KCNIP4: variants seen among roughly 807,000 people sequenced by gnomAD.
The protein encoded by KCNIP4 is Kv channel-interacting protein 4.
KCNIP4 carries 12 observed loss-of-function variants against 34.0 expected under a neutral mutation model. That is an observed-to-expected ratio of 0.35 (90% confidence interval 0.23 to 0.57). The LOEUF is 0.57. KCNIP4 is among the 20% of genes least tolerant of loss of function. KCNIP4 has a pLI of 0.83. For missense variants in KCNIP4, 238 were observed against 311.7 expected (o/e 0.76, Z 1.78); for synonymous variants, 124 against 102.2 (o/e 1.21, Z -1.29).
At chr4:20,848,238 G>A (rs1578765648) in intron 3 of KCNIP4, among the ~76,000 whole-genome samples, 1 of 152,034 alleles carries the variant, frequency 6.6e-6, no homozygotes, top group Admixed American at 6.6e-5. Context: ...CATGGGGCAG[G>A]GTGAGATGGG....
At chr4:20,984,072 G>A in intron 1 of KCNIP4, 1 of 1,335,276 alleles carries the variant, frequency 7.5e-7, no homozygotes, top group Non-Finnish European at 9.9e-7. Context: ...TGCAAAGCCG[G>A]CGGCCCCCCG....
At chr4:20,918,640 C>T (rs948380856) in intron 1 of KCNIP4, among the ~76,000 whole-genome samples, 7 of 152,254 alleles carry the variant, frequency 4.6e-5, no homozygotes, top group African/African-American at 1.4e-4. Context: ...ACAAGACAAC[C>T]ATGTTTCCTA....
At chr4:21,112,050 T>TATCC (rs1560732921) in intron 1 of KCNIP4, among the ~76,000 whole-genome samples, 114 of 151,874 alleles carry the variant, frequency 7.5e-4, no homozygotes, top group African/African-American at 2.7e-3. Flanking sequence ...TCTATCTATC[T>TATCC]ATCTATCTAT....
intron 1 of KCNIP4, among the ~76,000 whole-genome samples, chr4:21,764,875 A>AG (rs890631910): frequency 3.9e-5 from 6 of 151,954 alleles, no homozygotes; most frequent in Admixed American, 2.0e-4. Flanking sequence ...CATTGAAGAG[A>AG]GGTGTTTGAA....
At chr4:21,021,736 T>C (rs928579985) in intron 1 of KCNIP4, among the ~76,000 whole-genome samples, 11 of 152,160 alleles carry the variant, frequency 7.2e-5, no homozygotes, top group African/African-American at 2.4e-4. Flanking sequence ...TATTCTATGA[T>C]GACAATGCCT....
intron 1 of KCNIP4, among the ~76,000 whole-genome samples, chr4:21,909,613 T>C (rs991327921): frequency 6.6e-6 from 1 of 152,178 alleles, no homozygotes; most frequent in African/African-American, 2.4e-5. Flanking sequence ...CCTCTTTGTA[T>C]TCTCAACTCC....
chr4:21,694,283 C>G (rs1426927042), intron 1 of KCNIP4, among the ~76,000 whole-genome samples: 1 of 151,898 alleles, frequency 6.6e-6, no homozygotes, highest in Non-Finnish European at 1.5e-5. Context: ...AGCATGAGCC[C>G]CATCTAGAAT....
intron 1 of KCNIP4, among the ~76,000 whole-genome samples, chr4:21,332,607 T>G (rs1276729372): frequency 6.6e-6 from 1 of 151,992 alleles, no homozygotes; most frequent in African/African-American, 2.4e-5. Flanking sequence ...TGATTCCACT[T>G]TTTCTATCTC....
intron 1 of KCNIP4, among the ~76,000 whole-genome samples, chr4:20,963,791 T>C (rs1447621535): frequency 6.6e-6 from 1 of 151,892 alleles, no homozygotes; most frequent in Non-Finnish European, 1.5e-5. Context: ...AAGTGGGAAA[T>C]ATTAGACGAG....
chr4:21,356,841 A>C (rs1718659822), intron 1 of KCNIP4, among the ~76,000 whole-genome samples: 1 of 152,166 alleles, frequency 6.6e-6, no homozygotes, highest in African/African-American at 2.4e-5. Flanking sequence ...GGAACCAAAA[A>C]AGAGCCCGCA....
chr4:21,554,692 C>A (rs1738846202), intron 1 of KCNIP4, among the ~76,000 whole-genome samples: 1 of 152,040 alleles, frequency 6.6e-6, no homozygotes, highest in Non-Finnish European at 1.5e-5. Context: ...TGGTTTGTGT[C>A]ACGTCCCCCA....
intron 1 of KCNIP4, among the ~76,000 whole-genome samples, chr4:21,232,668 T>C (rs1378838119): frequency 6.6e-6 from 1 of 152,184 alleles, no homozygotes; most frequent in Non-Finnish European, 1.5e-5. Context: ...CATTCATTTA[T>C]TCATATGTTC....
chr4:20,730,019 C>G lies in KCNIP4; in HGVS notation c.*63G>C, dbSNP rs1298731490. The G allele has an allele frequency of 6.5e-7, 1 of 1,539,288 alleles. No homozygotes were observed. Among genetic ancestry groups the G allele is most frequent in the African/African-American group, 1.4e-5 (1 of 71,962 alleles). On this transcript the variant is annotated 3_prime_UTR_variant, in exon 9 of 9. Coordinates refer to ENST00000382152, the MANE Select transcript of KCNIP4 (RefSeq NM_025221.6). ...GCAATCTATGCTAAAAGTGGTAGCT[C>G]CAACTTTAAGGGTGGTAGAATAGTT...
At chr4:21,666,460 C>T (rs1297102405) in intron 1 of KCNIP4, among the ~76,000 whole-genome samples, 1 of 152,220 alleles carries the variant, frequency 6.6e-6, no homozygotes, top group Non-Finnish European at 1.5e-5. Context: ...GGCCTACTCT[C>T]TTACATATCA....
intron 1 of KCNIP4, among the ~76,000 whole-genome samples, chr4:20,981,586 C>T (rs1256880103): frequency 6.6e-6 from 1 of 152,118 alleles, no homozygotes; most frequent in Non-Finnish European, 1.5e-5. Context: ...GTTACATTTG[C>T]CTTATGACAA....
At chr4:20,817,843 C>G (rs1187676091) in intron 3 of KCNIP4, among the ~76,000 whole-genome samples, 3 of 152,074 alleles carry the variant, frequency 2.0e-5, no homozygotes, top group Admixed American at 6.6e-5. Flanking sequence ...TTTCTCCAAC[C>G]AGTAACTCCT....
At chr4:21,571,326 A>G (rs962606938) in intron 1 of KCNIP4, among the ~76,000 whole-genome samples, 2 of 152,198 alleles carry the variant, frequency 1.3e-5, no homozygotes, top group Non-Finnish European at 2.9e-5. Context: ...GAACAGCCCC[A>G]GCTGTTATAG....
At chr4:21,892,752 T>C (rs1465804087) in intron 1 of KCNIP4, among the ~76,000 whole-genome samples, 1 of 152,134 alleles carries the variant, frequency 6.6e-6, no homozygotes, top group Non-Finnish European at 1.5e-5. Context: ...TCTGTACAAC[T>C]GTTAATTATT....
intron 1 of KCNIP4, among the ~76,000 whole-genome samples, chr4:21,292,193 G>A (rs76857167): frequency 1.3e-4 from 20 of 152,170 alleles, no homozygotes; most frequent in African/African-American, 4.1e-4. Flanking sequence ...TATTTGGATC[G>A]ATAGTACAAA....
Sources: gnomAD v4.1 joint callset for allele counts (sites outside exome capture counted in the v4.1 genomes callset) on GRCh38, gnomAD v4.1.1 for gene constraint, MANE v1.5 for transcripts, NCBI Gene and HGNC (gene_info 2026-07-23, HGNC 2026-07-21) for gene names.